IL21R: variants seen among roughly 807,000 people sequenced by gnomAD.
IL21R encodes interleukin 21 receptor.
Under a neutral mutation model 41.3 loss-of-function variants are expected in IL21R, and 14 were observed. The observed-to-expected ratio is 0.34, with a 90% confidence interval of 0.22 to 0.53. The LOEUF is 0.53. Ranked by LOEUF, IL21R falls within the 20% of genes least tolerant of loss-of-function variation. The pLI is 0.94. For missense variants in IL21R, 588 were observed against 681.6 expected, an observed-to-expected ratio of 0.86 and a Z score of 1.53; for synonymous variants, 286 against 287.6, an observed-to-expected ratio of 0.99 and a Z score of 0.05.
At chr16:27,434,521 A>G in intron 3 of IL21R, 72 bp downstream of exon 3, 2 of 933,302 alleles carry the variant, frequency 2.1e-6, no homozygotes, top group Non-Finnish European at 3.4e-6. Flanking sequence ...CCCCAGGAGG[A>G]CACTGTGCAC....
At position 27,449,994 on chromosome 16, in the gene IL21R, A is replaced by G. The variant is rs1048881141; in HGVS notation, c.*711A>G. On this transcript the variant is annotated 3_prime_UTR_variant, in exon 9 of 9. Coordinates refer to ENST00000337929, the MANE Select transcript of IL21R (RefSeq NM_181078.3). ...ATCCAGACAGTGGGGAAGGCATGAC[A>G]CACCTGGGGGAAATTGGCGATGTCA... is the stretch of plus-strand genomic sequence containing the variant. The G allele has an allele frequency of 3.9e-5, 9 of 232,856 alleles. No homozygotes were observed. Among genetic ancestry groups the G allele is most frequent in the African/African-American group, 2.0e-4 (9 of 45,316 alleles). The allele number at this position is 232,856 out of a possible 1,614,324, so 14.4% of individuals were successfully genotyped here.
chr16:27,410,620 T>C (rs1037815753), intron 1 of IL21R, among the ~76,000 whole-genome samples: 10 of 152,226 alleles, frequency 6.6e-5, no homozygotes, highest in African/African-American at 2.4e-4. Context: ...CCTTTGCTAA[T>C]CTAACAAGAG....
rs1315726309 is a variant in IL21R, at chr16:27,402,465, CG to C, written c.-167del. The C allele has an allele frequency of 6.6e-6, 1 of 152,654 alleles. No homozygotes were observed. The highest frequency in any genetic ancestry group is 6.5e-5 in the Admixed American group (1 of 15,328). The allele number at this position is 152,654 out of a possible 1,614,324, so 9.5% of individuals were successfully genotyped here. ...TCTTATGACAGCCTGATTGGTGACT[CG>C]GGCTGGGTGTGGATTCTCACCCCAG... On this transcript the variant is annotated 5_prime_UTR_variant, in exon 1 of 9. Coordinates refer to ENST00000337929, the MANE Select transcript of IL21R (RefSeq NM_181078.3).
At chr16:27,437,731 A>C in intron 4 of IL21R, 44 bp downstream of exon 4, 1 of 1,520,018 alleles carries the variant, frequency 6.6e-7, no homozygotes, top group Non-Finnish European at 9.1e-7. Context: ...ACTCAATCTT[A>C]GCTCACCGCA....
intron 3 of IL21R, 109 bp from the exon 4 acceptor site, chr16:27,437,379 C>T: frequency 1.1e-6 from 1 of 888,910 alleles, no homozygotes; most frequent in Non-Finnish European, 1.8e-6. Flanking sequence ...GCCTCAAATC[C>T]CTCCCAGCCC....
chr16:27,408,962 T>C (rs2086787672), intron 1 of IL21R, among the ~76,000 whole-genome samples: 1 of 152,146 alleles, frequency 6.6e-6, no homozygotes, highest in African/African-American at 2.4e-5. Flanking sequence ...AACATGCTGG[T>C]ACATGTCTGC....
At chr16:27,418,577 A>C (rs12923847) in intron 1 of IL21R, among the ~76,000 whole-genome samples, 7 of 152,042 alleles carry the variant, frequency 4.6e-5, no homozygotes, top group African/African-American at 1.4e-4. Flanking sequence ...TCACCATGTT[A>C]GCCAGGATAG....
At chr16:27,443,740 G>A (rs1054222976) in intron 5 of IL21R, among the ~76,000 whole-genome samples, 2 of 150,434 alleles carry the variant, frequency 1.3e-5, no homozygotes, top group Admixed American at 6.6e-5. Flanking sequence ...CTGGGATCGC[G>A]CTACTGCACT....
At chr16:27,405,813 G>A (rs779210675) in intron 1 of IL21R, among the ~76,000 whole-genome samples, 3 of 152,148 alleles carry the variant, frequency 2.0e-5, no homozygotes, top group African/African-American at 4.8e-5. Context: ...CTTCTGAAAC[G>A]ACCTGAGAAT....
At chr16:27,405,659 G>A (rs919002630) in intron 1 of IL21R, among the ~76,000 whole-genome samples, 5 of 152,188 alleles carry the variant, frequency 3.3e-5, no homozygotes, top group Admixed American at 6.5e-5. Context: ...CCCCGGACAC[G>A]TGAAGGGGAG....
intron 1 of IL21R, among the ~76,000 whole-genome samples, chr16:27,415,592 G>A (rs186079549): frequency 1.1e-3 from 166 of 152,270 alleles, no homozygotes; most frequent in Middle Eastern, 3.4e-3. Flanking sequence ...GCAGAAAAAC[G>A]CGCAGGAAAG....
chr16:27,435,438 T>A (rs1226615175), intron 3 of IL21R, among the ~76,000 whole-genome samples: 2 of 149,496 alleles, frequency 1.3e-5, no homozygotes, highest in Admixed American at 6.6e-5. Flanking sequence ...TTCTCTTTTT[T>A]ATTTTATTTT....
In IL21R at chr16:27,445,391, G is replaced by A. The variant is rs2087459614; in HGVS notation, c.785+115G>A. The A allele has an allele frequency of 1.4e-5, 10 of 717,578 alleles. No homozygotes were observed. In the South Asian group the frequency reaches 1.5e-4, roughly 11 times the overall value. The allele number at this position is 717,578 out of a possible 1,614,324, so 44.5% of individuals were successfully genotyped here. On this transcript the variant is annotated intron_variant, in intron 7 of 8. Transcript: ENST00000337929. ...CATCATGGTAACAATGATGATGATG[G>A]GATAATAACCAACTCACAGCCACCA...
At chr16:27,417,685 C>T (rs758780014) in intron 1 of IL21R, among the ~76,000 whole-genome samples, 5 of 152,096 alleles carry the variant, frequency 3.3e-5, no homozygotes, top group African/African-American at 4.8e-5. Context: ...ACCTGCACAG[C>T]ATGATACGGT....
chr16:27,411,204 A>C (rs893604265), intron 1 of IL21R, among the ~76,000 whole-genome samples: 1 of 151,990 alleles, frequency 6.6e-6, no homozygotes. Flanking sequence ...TAATTAAAAA[A>C]ATTTTTTAAA....
chr16:27,426,561 C>T (rs1179488359), intron 1 of IL21R, among the ~76,000 whole-genome samples: 2 of 152,216 alleles, frequency 1.3e-5, no homozygotes, highest in Non-Finnish European at 2.9e-5. Context: ...CATGACGAAG[C>T]CTGGGCTGCC....
chr16:27,403,594 A>G (rs992282655), intron 1 of IL21R, among the ~76,000 whole-genome samples: 1 of 152,212 alleles, frequency 6.6e-6, no homozygotes, highest in African/African-American at 2.4e-5. Flanking sequence ...TGGTTTTCTC[A>G]TCTATGAAAT....
intron 1 of IL21R, among the ~76,000 whole-genome samples, chr16:27,407,154 T>C (rs2086760451): frequency 6.6e-6 from 1 of 152,174 alleles, no homozygotes; most frequent in Non-Finnish European, 1.5e-5. Context: ...CACTTAACAT[T>C]CTTCTTCAGC....
At chr16:27,432,536 C>G (rs1186917376) in intron 2 of IL21R, among the ~76,000 whole-genome samples, 1 of 152,208 alleles carries the variant, frequency 6.6e-6, no homozygotes, top group Non-Finnish European at 1.5e-5. Context: ...GAGACAAACC[C>G]TGTCCCTTGG....
Sources: gnomAD v4.1 joint callset for allele counts (sites outside exome capture counted in the v4.1 genomes callset) on GRCh38, gnomAD v4.1.1 for gene constraint, MANE v1.5 for transcripts, NCBI Gene and HGNC (gene_info 2026-07-23, HGNC 2026-07-21) for gene names.